The following DCAF6 variants were observed in gnomAD, a reference collection of about 807,000 sequenced individuals.
DCAF6 encodes the protein DDB1 and CUL4 associated factor 6.
In DCAF6, 54 loss-of-function variants were observed where a neutral mutation model predicts 125.1. The ratio of observed to expected loss-of-function variants is 0.43; its 90% confidence interval spans 0.35 to 0.54. The LOEUF is 0.54. Among genes scored for constraint, DCAF6 ranks in the 20% least tolerant of loss-of-function variants. The pLI, the probability that DCAF6 is intolerant of heterozygous loss-of-function variation, is 0.01. For synonymous variants in DCAF6, 371 were observed against 390.4 expected, an observed-to-expected ratio of 0.95 and a Z score of 0.58; for missense variants, 934 against 1,161.7, an observed-to-expected ratio of 0.80 and a Z score of 2.85.
At chr1:167,938,076 A>G (rs1671607409) in intron 1 of DCAF6, among the ~76,000 whole-genome samples, 1 of 152,242 alleles carries the variant, frequency 6.6e-6, no homozygotes, top group South Asian at 2.1e-4. Flanking sequence ...TAGTGTCTCA[A>G]GTAAAATACG....
chr1:168,027,593 C>T lies in DCAF6; in HGVS notation c.1609+4546C>T, dbSNP rs1331124003. On this transcript the variant is annotated intron_variant, in intron 12 of 21. Transcript: ENST00000367840. ...TTTATGTTTATGTCACAAAATATTT[C>T]TTCACCATTTTCCAGGTGCCCAAAT... 3.9e-5 allele frequency among the ~76,000 whole-genome samples: 6 copies of T among 152,124 alleles called. No individual in the cohort carries two copies. In the South Asian group the frequency reaches 1.0e-3, roughly 26 times the overall value.
chr1:168,039,173 A>G (rs1442875626), intron 13 of DCAF6, among the ~76,000 whole-genome samples: 1 of 152,050 alleles, frequency 6.6e-6, no homozygotes, highest in Non-Finnish European at 1.5e-5. Flanking sequence ...GAAATGAACT[A>G]TATCTAGATT....
the DCAF6 span, chr1:167,878,596 A>G: frequency 1.9e-6 from 3 of 1,614,192 alleles, no homozygotes; most frequent in Non-Finnish European, 2.5e-6. Context: ...TGGGTAGTAC[A>G]TCATCATCCT....
At chr1:167,901,916 G>T in the DCAF6 span, 1 of 1,605,492 alleles carries the variant, frequency 6.2e-7, no homozygotes, top group Non-Finnish European at 8.5e-7. Context: ...CTATCTCCTG[G>T]CCACTCCCTT....
In DCAF6 at chr1:168,069,800, T is replaced by C. The variant is rs189325119; in HGVS notation, c.2791+1337T>C. Among the ~76,000 whole-genome samples, 447 of 152,306 alleles carry C rather than the reference T, an allele frequency of 2.9e-3. 1 individual carries two copies. Among genetic ancestry groups the C allele is most frequent in the African/African-American group, 0.01 (426 of 41,584 alleles). The stretch of plus-strand genomic sequence containing the variant: ...AATGTTAATAGACCAACAAAATGTT[T>C]TTGTGATCTTCTTTGGGTTCCTGTA... On this transcript the variant is annotated intron_variant, in intron 21 of 21. Coordinates refer to ENST00000367840, the MANE Select transcript of DCAF6 (RefSeq NM_001198956.2).
intron 1 of DCAF6, 60 bp from the exon 2 acceptor site, chr1:167,951,740 G>C: frequency 1.8e-6 from 2 of 1,104,096 alleles, no homozygotes; most frequent in Non-Finnish European, 2.7e-6. Flanking sequence ...CCTAATTTCT[G>C]TGTTATATTT....
At chr1:167,890,308 A>T in the DCAF6 span, among the ~76,000 whole-genome samples, 1 of 152,264 alleles carries the variant, frequency 6.6e-6, no homozygotes, top group Non-Finnish European at 1.5e-5. Flanking sequence ...GCAGACTTAT[A>T]GAGGTACCAC....
the DCAF6 span, chr1:167,919,927 G>T: frequency 1.5e-6 from 2 of 1,316,074 alleles, no homozygotes; most frequent in Non-Finnish European, 1.1e-6. Flanking sequence ...AAAAATTAGT[G>T]CCATCTAAGT....
the DCAF6 span, among the ~76,000 whole-genome samples, chr1:167,928,591 G>A: frequency 6.6e-6 from 1 of 152,082 alleles, no homozygotes; most frequent in Non-Finnish European, 1.5e-5. Context: ...ATAAAGTTTT[G>A]ACAAAACAAA....
intron 12 of DCAF6, among the ~76,000 whole-genome samples, chr1:168,024,479 TAG>T (rs1686078398): frequency 6.6e-6 from 1 of 152,116 alleles, no homozygotes; most frequent in Admixed American, 6.5e-5. Flanking sequence ...TAAAGTGAAT[TAG>T]AAAACTTCTT....
At chr1:167,961,026 T>G (rs576241695) in intron 2 of DCAF6, among the ~76,000 whole-genome samples, 1 of 152,226 alleles carries the variant, frequency 6.6e-6, no homozygotes, top group Non-Finnish European at 1.5e-5. Context: ...TACCAGAGTT[T>G]TATAATTTTC....
the DCAF6 span, among the ~76,000 whole-genome samples, chr1:167,884,315 T>C: frequency 6.6e-6 from 1 of 152,136 alleles, no homozygotes; most frequent in East Asian, 1.9e-4. Context: ...GCACTTCTTA[T>C]ATGGCCAGAG....
intron 12 of DCAF6, among the ~76,000 whole-genome samples, chr1:168,029,187 A>G (rs1686727412): frequency 6.6e-6 from 1 of 152,216 alleles, no homozygotes; most frequent in Non-Finnish European, 1.5e-5. Flanking sequence ...TGTTTAACTT[A>G]GAATTGTCTT....
chr1:167,975,403 T>A (rs1409558442), intron 4 of DCAF6, among the ~76,000 whole-genome samples: 1 of 152,170 alleles, frequency 6.6e-6, no homozygotes, highest in Non-Finnish European at 1.5e-5. Context: ...CAAATTTTTG[T>A]AGGATAGAAG....
intron 12 of DCAF6, among the ~76,000 whole-genome samples, chr1:168,026,765 C>G (rs1185874878): frequency 6.6e-6 from 1 of 151,510 alleles, no homozygotes; most frequent in Non-Finnish European, 1.5e-5. Context: ...GTGGAGAGAT[C>G]TCATAGATGG....
intron 5 of DCAF6, 25 bp from the exon 6 acceptor site, chr1:167,991,179 A>G: frequency 6.3e-7 from 1 of 1,588,974 alleles, no homozygotes; most frequent in Non-Finnish European, 8.6e-7. Context: ...ACTATATGTA[A>G]TTGGTATTAT....
At chr1:167,979,278 C>T (rs1467890628) in intron 4 of DCAF6, among the ~76,000 whole-genome samples, 1 of 152,006 alleles carries the variant, frequency 6.6e-6, no homozygotes, top group Admixed American at 6.6e-5. Flanking sequence ...GACCCATTTA[C>T]CCAAGATGTT....
intron 1 of DCAF6, among the ~76,000 whole-genome samples, chr1:167,945,036 T>C (rs556032616): frequency 6.6e-6 from 1 of 152,344 alleles, no homozygotes; most frequent in South Asian, 2.1e-4. Context: ...GCTGCAAGTA[T>C]GCGGCTTTAT....
At chr1:167,980,340 A>T (rs56223678) in intron 4 of DCAF6, among the ~76,000 whole-genome samples, 4,557 of 149,352 alleles carry the variant, frequency 0.031, 236 homozygotes, top group African/African-American at 0.11. Context: ...TGTACCCAGA[A>T]GTAGAGATTG....
Sources: allele counts gnomAD v4.1 joint callset (sites outside exome capture counted in the v4.1 genomes callset), GRCh38; gene constraint gnomAD v4.1.1; transcripts MANE v1.5; gene names NCBI Gene and HGNC (gene_info 2026-07-23, HGNC 2026-07-21).